The following PCDH15 variants were observed in gnomAD, a reference collection of about 807,000 sequenced individuals.
The protein encoded by PCDH15 is protocadherin related 15.
Under a neutral mutation model 178.5 loss-of-function variants are expected in PCDH15, and 129 were observed. That is an observed-to-expected ratio of 0.72 (90% CI 0.63 to 0.84). The LOEUF is 0.84. Among genes scored for constraint, PCDH15 ranks in the 40% least tolerant of loss-of-function variants. PCDH15 has a pLI of 0.00. For missense variants in PCDH15, 2,230 were observed against 2,099.9 expected, an observed-to-expected ratio of 1.06 and a Z score of -1.21; for synonymous variants, 800 against 732.0, an observed-to-expected ratio of 1.09 and a Z score of -1.50.
At chr10:54,524,806 C>T (rs376408179) in intron 3 of PCDH15, among the ~76,000 whole-genome samples, 22 of 152,122 alleles carry the variant, frequency 1.4e-4, no homozygotes, top group East Asian at 7.7e-4. Context: ...GTCCACTTTG[C>T]CCCTTTACAA....
intron 3 of PCDH15, among the ~76,000 whole-genome samples, chr10:54,808,665 T>C (rs865798065): frequency 6.6e-5 from 10 of 152,206 alleles, no homozygotes; most frequent in African/African-American, 1.9e-4. Flanking sequence ...TTCAAATCCA[T>C]GTTCTGCTGG....
At chr10:54,364,111 C>G (rs2134571797) in intron 5 of PCDH15, among the ~76,000 whole-genome samples, 1 of 151,730 alleles carries the variant, frequency 6.6e-6, no homozygotes, top group East Asian at 1.9e-4. Flanking sequence ...ACTCGGGAGG[C>G]TGAGGCAGGA....
chr10:55,310,892 G>A (rs1277693400), intron 1 of PCDH15, among the ~76,000 whole-genome samples: 1 of 152,168 alleles, frequency 6.6e-6, no homozygotes, highest in African/African-American at 2.4e-5. Context: ...GGGGCTAGGG[G>A]AGGGATAGCA....
In PCDH15 at chr10:53,806,353, T is replaced by C. The variant is rs1201740837; in HGVS notation, c.*226A>G. 3 of 453,122 alleles carry C rather than the reference T, an allele frequency of 6.6e-6. No individual in the cohort carries two copies. The highest frequency in any genetic ancestry group is 1.2e-5 in the Non-Finnish European group (3 of 258,536). The allele number at this position is 453,122 out of a possible 1,614,324, so 28.1% of individuals were successfully genotyped here. On this transcript the variant is annotated 3_prime_UTR_variant, in exon 38 of 38. Coordinates refer to ENST00000644397, the MANE Select transcript of PCDH15 (RefSeq NM_001384140.1). Reference sequence around the variant, plus strand: ...ACAAAACAGCTAAATGTTTAAACGATAGGTTATTTAGTGAAAGTATGTCCA... The same window carrying C: ...ACAAAACAGCTAAATGTTTAAACGACAGGTTATTTAGTGAAAGTATGTCCA...
At chr10:55,077,365 AT>A (rs1409310787) in intron 2 of PCDH15, among the ~76,000 whole-genome samples, 1 of 148,710 alleles carries the variant, frequency 6.7e-6, no homozygotes, top group African/African-American at 2.5e-5. Flanking sequence ...TTTTTATCTT[AT>A]TTTTTTGTCC....
At chr10:55,391,766 A>AT (rs1837799263) in intron 2 of PCDH15, among the ~76,000 whole-genome samples, 1 of 152,148 alleles carries the variant, frequency 6.6e-6, no homozygotes, top group African/African-American at 2.4e-5. Flanking sequence ...GATTACAAGC[A>AT]TGAGTCACCA....
rs189137458 is a variant in PCDH15 at position 53,905,105 on chromosome 10, G to T, written c.3374-1735C>A. On this transcript the variant is annotated intron_variant, in intron 25 of 37. Transcript: ENST00000644397. ...ATCCTACATGTCAGCCTCATAAGCA[G>T]GTAAATCATCACCTAATAAATATAT... The T allele has an allele frequency of 1.3e-3, 681 of 505,148 alleles. 3 individuals are homozygous for T. Among genetic ancestry groups the T allele is most frequent in the African/African-American group, 0.012 (613 of 51,770 alleles). The allele number at this position is 505,148 out of a possible 1,614,324, so 31.3% of individuals were successfully genotyped here. A position where few individuals can be genotyped will look rare whatever the true frequency, so the allele number is the denominator to read the frequency against.
chr10:55,033,843 T>A (rs532627215), intron 2 of PCDH15, among the ~76,000 whole-genome samples: 1 of 152,268 alleles, frequency 6.6e-6, no homozygotes, highest in South Asian at 2.1e-4. Context: ...GCCAATGTGA[T>A]AGTATTAAGG....
At position 54,089,980 on chromosome 10, in the gene PCDH15, T is replaced by A; in HGVS notation, c.1997+4A>T. Reference sequence around the variant, plus strand: ...TTTAAAGTAGGAAATCATTTTTAACTTACGTTTCTGAAAGATTAAAAACTC... The same window carrying A: ...TTTAAAGTAGGAAATCATTTTTAACATACGTTTCTGAAAGATTAAAAACTC... On this transcript the variant is annotated splice_donor_region_variant and intron_variant, in intron 16 of 37. Coordinates refer to ENST00000644397, the MANE Select transcript of PCDH15 (RefSeq NM_001384140.1). The A allele has an allele frequency of 6.2e-7, 1 of 1,600,614 alleles. No individual in the cohort carries two copies. Among genetic ancestry groups the A allele is most frequent in the Non-Finnish European group, 8.6e-7 (1 of 1,168,134 alleles).
chr10:55,246,660 C>G (rs2132218368), intron 1 of PCDH15, among the ~76,000 whole-genome samples: 1 of 152,226 alleles, frequency 6.6e-6, no homozygotes, highest in Non-Finnish European at 1.5e-5. Flanking sequence ...ACTGTATGTA[C>G]TCAGACTTAT....
chr10:54,713,910 T>A (rs1225280818), intron 1 of PCDH15, among the ~76,000 whole-genome samples: 1 of 152,144 alleles, frequency 6.6e-6, no homozygotes, highest in South Asian at 2.1e-4. Context: ...TTATTTTGCT[T>A]TCACAGAAGA....
At chr10:55,061,962 T>C (rs1416356876) in intron 2 of PCDH15, among the ~76,000 whole-genome samples, 2 of 152,122 alleles carry the variant, frequency 1.3e-5, no homozygotes, top group Admixed American at 6.6e-5. Flanking sequence ...GGAGGTTGCA[T>C]TGAGCCAAGA....
chr10:54,511,776 A>G, intron 3 of PCDH15, among the ~76,000 whole-genome samples: 1 of 152,120 alleles, frequency 6.6e-6, no homozygotes, highest in Non-Finnish European at 1.5e-5. Context: ...TTCTCTATAC[A>G]TTTTTAATAG....
At chr10:54,882,991 A>G (rs1954290435) in intron 3 of PCDH15, among the ~76,000 whole-genome samples, 1 of 152,004 alleles carries the variant, frequency 6.6e-6, no homozygotes, top group Non-Finnish European at 1.5e-5. Flanking sequence ...ATCTAGCTCA[A>G]TTAGATACAA....
intron 3 of PCDH15, among the ~76,000 whole-genome samples, chr10:54,450,527 T>G (rs933218312): frequency 2.2e-4 from 34 of 151,900 alleles, no homozygotes; most frequent in Admixed American, 2.2e-3. Context: ...ATAATAAAAT[T>G]TCTAAAGCAG....
intron 15 of PCDH15, among the ~76,000 whole-genome samples, chr10:54,124,276 C>T (rs1404841745): frequency 6.6e-6 from 1 of 152,084 alleles, no homozygotes. Context: ...TATAAGGTAG[C>T]TATAACAGTC....
chr10:55,105,249 TC>T (rs1337200791), intron 2 of PCDH15, among the ~76,000 whole-genome samples: 3 of 152,170 alleles, frequency 2.0e-5, no homozygotes, highest in African/African-American at 7.2e-5. Context: ...CCAATTTTTT[TC>T]TTATTTTTTA....
chr10:54,889,438 T>C (rs1052777906), intron 3 of PCDH15, among the ~76,000 whole-genome samples: 6 of 150,504 alleles, frequency 4.0e-5, no homozygotes, highest in African/African-American at 1.2e-4. Flanking sequence ...GAATACTTCA[T>C]ATAAGAAAAT....
intron 14 of PCDH15, among the ~76,000 whole-genome samples, chr10:54,145,886 A>G (rs1269539364): frequency 1.3e-5 from 2 of 152,040 alleles, no homozygotes; most frequent in Non-Finnish European, 2.9e-5. Context: ...TCTTTAACAC[A>G]CTACTTTGTT....
Sources: gnomAD v4.1 joint callset for allele counts (sites outside exome capture counted in the v4.1 genomes callset) on GRCh38, gnomAD v4.1.1 for gene constraint, MANE v1.5 for transcripts, NCBI Gene and HGNC (gene_info 2026-07-23, HGNC 2026-07-21) for gene names.